The following DENND2B variants were observed in gnomAD, a reference collection of about 807,000 sequenced individuals.
The protein encoded by DENND2B is DENN domain-containing protein 2B.
A neutral mutation model predicts 116.0 loss-of-function variants in DENND2B; 32 were observed. The ratio of observed to expected loss-of-function variants is 0.28; its 90% CI spans 0.21 to 0.37. DENND2B has a LOEUF of 0.37. Ranked by LOEUF, DENND2B falls within the 10% of genes least tolerant of loss-of-function variation. DENND2B has a pLI of 1.00. For missense variants in DENND2B, 1,276 were observed against 1,477.7 expected (o/e 0.86, Z 2.24); for synonymous variants, 588 against 583.9 (o/e 1.01, Z -0.10).
At chr11:8,798,259 G>T (rs1045743759) in intron 1 of DENND2B, among the ~76,000 whole-genome samples, 4 of 152,182 alleles carry the variant, frequency 2.6e-5, no homozygotes, top group Admixed American at 2.6e-4. Context: ...AGAACAGAAG[G>T]AATGCTCCAT....
chr11:8,878,332 C>T (rs2063866119), intron 2 of DENND2B, among the ~76,000 whole-genome samples: 1 of 152,078 alleles, frequency 6.6e-6, no homozygotes, highest in Non-Finnish European at 1.5e-5. Flanking sequence ...AAGTTCATAG[C>T]AGCACTATAT....
intron 1 of DENND2B, among the ~76,000 whole-genome samples, chr11:8,898,430 G>T (rs1262194765): frequency 6.6e-6 from 1 of 152,048 alleles, no homozygotes; most frequent in Non-Finnish European, 1.5e-5. Context: ...ATTAAGAAAA[G>T]ATGTCAGTAG....
intron 1 of DENND2B, among the ~76,000 whole-genome samples, chr11:8,884,837 C>T (rs1391071499): frequency 1.3e-5 from 2 of 152,204 alleles, no homozygotes; most frequent in African/African-American, 4.8e-5. Context: ...AGCCATTCAT[C>T]TCAGCCCATA....
At chr11:8,852,299 A>C (rs957637593) in intron 3 of DENND2B, among the ~76,000 whole-genome samples, 2 of 152,206 alleles carry the variant, frequency 1.3e-5, no homozygotes, top group Non-Finnish European at 2.9e-5. Flanking sequence ...TCAAAGAAGA[A>C]TCAATAAAGA....
At chr11:8,901,229 C>CT (rs1555223231) in intron 1 of DENND2B, among the ~76,000 whole-genome samples, 1,877 of 83,922 alleles carry the variant, frequency 0.022, 122 homozygotes, top group African/African-American at 0.079. Context: ...CTTTTCTTTT[C>CT]TTTTTTTTTT....
intron 1 of DENND2B, among the ~76,000 whole-genome samples, chr11:8,778,884 A>T (rs764161329): frequency 6.6e-5 from 10 of 152,052 alleles, no homozygotes; most frequent in Admixed American, 2.0e-4. Context: ...CAGACTCAAG[A>T]CTCTGGAGAA....
chr11:8,841,863 T>G (rs2062635449), intron 3 of DENND2B, among the ~76,000 whole-genome samples: 1 of 152,130 alleles, frequency 6.6e-6, no homozygotes, highest in African/African-American at 2.4e-5. Context: ...ATTCTAACCA[T>G]CATTCTTCCT....
intron 14 of DENND2B, chr11:8,700,029 C>T (rs777603221): frequency 1.3e-5 from 6 of 455,828 alleles, no homozygotes; most frequent in Non-Finnish European, 2.6e-5. Context: ...CCACAGGAAA[C>T]AATAGCTGTA....
upstream of DENND2B, among the ~76,000 whole-genome samples, chr11:8,875,464 T>C (rs2063832103): frequency 6.6e-6 from 1 of 151,832 alleles, no homozygotes; most frequent in Non-Finnish European, 1.5e-5. Context: ...AGAAAGAGTC[T>C]CTGTTGCCCA....
chr11:8,750,741 T>G lies in DENND2B; in HGVS notation c.-25-16A>C, dbSNP rs1424245038. 4.3e-6 allele frequency: 7 copies of G among 1,613,378 alleles called. No homozygotes were observed. The highest frequency in any genetic ancestry group is 5.9e-6 in the Non-Finnish European group (7 of 1,179,428). On this transcript the variant is annotated splice_polypyrimidine_tract_variant and intron_variant, in intron 1 of 19. Transcript: ENST00000313726. ...ACCCAGAGCCCTGCAAAGACGACAA[T>G]GCCGGTAAGCCAAGTTTCTATAGGC...
At chr11:8,700,433 G>C (rs928772347) in intron 14 of DENND2B, among the ~76,000 whole-genome samples, 1 of 152,190 alleles carries the variant, frequency 6.6e-6, no homozygotes, top group African/African-American at 2.4e-5. Context: ...CAGCAGCTCT[G>C]GTTTTTCTTC....
At chr11:8,907,808 A>G (rs1368714545) in intron 1 of DENND2B, among the ~76,000 whole-genome samples, 1 of 152,078 alleles carries the variant, frequency 6.6e-6, no homozygotes, top group Admixed American at 6.6e-5. Context: ...CAATCCTCCC[A>G]TCTCAACCTC....
chr11:8,794,150 T>G (rs948766983), intron 1 of DENND2B, among the ~76,000 whole-genome samples: 3 of 152,238 alleles, frequency 2.0e-5, no homozygotes, highest in Middle Eastern at 3.2e-3. Flanking sequence ...AAAAAATGTC[T>G]TAAACAAAAG....
At chr11:8,760,949 G>GA (rs896198353) in intron 1 of DENND2B, among the ~76,000 whole-genome samples, 10 of 151,876 alleles carry the variant, frequency 6.6e-5, no homozygotes, top group Non-Finnish European at 1.3e-4. Flanking sequence ...ATAATAATCA[G>GA]AAAAAAAAGT....
chr11:8,772,010 T>A (rs187479497), intron 1 of DENND2B: 2 of 152,056 alleles, frequency 1.3e-5, no homozygotes, highest in African/African-American at 4.8e-5. Flanking sequence ...AAATATGGCA[T>A]GCCGACATAG....
At chr11:8,756,983 C>G in intron 1 of DENND2B, 2 of 454,896 alleles carry the variant, frequency 4.4e-6, no homozygotes, top group South Asian at 3.1e-5. Flanking sequence ...AAACACAGCT[C>G]TGACAAATTA....
chr11:8,852,162 G>A (rs1347339313), intron 3 of DENND2B, among the ~76,000 whole-genome samples: 4 of 152,182 alleles, frequency 2.6e-5, no homozygotes, highest in Admixed American at 6.5e-5. Context: ...AAATGAAAGC[G>A]CCTACTATGT....
At chr11:8,742,146 T>C (rs535642337) in intron 2 of DENND2B, among the ~76,000 whole-genome samples, 2 of 152,238 alleles carry the variant, frequency 1.3e-5, no homozygotes, top group South Asian at 4.2e-4. Context: ...GTGATCCTTA[T>C]GCCTCAGCCT....
At chr11:8,715,032 G>A (rs1037302937) in intron 6 of DENND2B, among the ~76,000 whole-genome samples, 3 of 152,194 alleles carry the variant, frequency 2.0e-5, no homozygotes, top group Non-Finnish European at 2.9e-5. Flanking sequence ...AACCAACTGA[G>A]ACAAAGAGCC....
Sources: allele counts gnomAD v4.1 joint callset (sites outside exome capture counted in the v4.1 genomes callset), GRCh38; gene constraint gnomAD v4.1.1; transcripts MANE v1.5; gene names NCBI Gene and HGNC (gene_info 2026-07-23, HGNC 2026-07-21).